GRIN2A: variants seen among roughly 807,000 people sequenced by gnomAD.
GRIN2A encodes glutamate ionotropic receptor NMDA type subunit 2A, also known as glutamate receptor ionotropic, NMDA 2A.
In GRIN2A, 22 loss-of-function variants were observed where a neutral mutation model predicts 113.4. The ratio of observed to expected loss-of-function variants is 0.19; its 90% CI spans 0.14 to 0.28. GRIN2A has a LOEUF of 0.28. Ranked by LOEUF, GRIN2A falls within the 10% of genes least tolerant of loss-of-function variation. GRIN2A has a pLI of 1.00. For synonymous variants in GRIN2A, 827 were observed against 738.4 expected, an observed-to-expected ratio of 1.12 and a Z score of -1.94; for missense variants, 1,502 against 1,887.0, an observed-to-expected ratio of 0.80 and a Z score of 3.78.
intron 2 of GRIN2A, among the ~76,000 whole-genome samples, chr16:10,093,364 T>G (rs957730289): frequency 3.3e-5 from 5 of 152,184 alleles, no homozygotes; most frequent in Admixed American, 2.6e-4. Context: ...CAGGTGTGTG[T>G]CCTGCTTCTC....
intron 2 of GRIN2A, among the ~76,000 whole-genome samples, chr16:9,984,653 T>C (rs1225882032): frequency 6.6e-6 from 1 of 152,182 alleles, no homozygotes; most frequent in African/African-American, 2.4e-5. Flanking sequence ...TACCTGATGA[T>C]GATCTTGAAC....
intron 9 of GRIN2A, among the ~76,000 whole-genome samples, chr16:9,826,311 T>A (rs1304775365): frequency 6.6e-6 from 1 of 152,138 alleles, no homozygotes; most frequent in Non-Finnish European, 1.5e-5. Context: ...GTCAGAGTGA[T>A]TCCCAACATT....
chr16:10,094,647 A>G (rs2048250494), intron 2 of GRIN2A, among the ~76,000 whole-genome samples: 1 of 151,978 alleles, frequency 6.6e-6, no homozygotes, highest in African/African-American at 2.4e-5. Context: ...ACAGGGTTTC[A>G]CCACGTTGGC....
intron 2 of GRIN2A, among the ~76,000 whole-genome samples, chr16:9,969,147 T>A (rs987035642): frequency 2.6e-5 from 4 of 152,146 alleles, no homozygotes; most frequent in Admixed American, 1.3e-4. Flanking sequence ...AGGGAGTCAA[T>A]GGCCATCCTG....
chr16:10,114,551 C>T (rs961649284), intron 2 of GRIN2A, among the ~76,000 whole-genome samples: 12 of 152,156 alleles, frequency 7.9e-5, no homozygotes, highest in African/African-American at 1.2e-4. Context: ...CCCAGAAACC[C>T]GCAGGCACCG....
intron 2 of GRIN2A, among the ~76,000 whole-genome samples, chr16:10,132,788 A>G (rs1475741705): frequency 3.3e-5 from 5 of 152,236 alleles, no homozygotes. Flanking sequence ...TTAACAGATT[A>G]TAAGTTTCCC....
At chr16:10,146,999 C>T (rs1408763137) in intron 2 of GRIN2A, among the ~76,000 whole-genome samples, 1 of 152,112 alleles carries the variant, frequency 6.6e-6, no homozygotes. Flanking sequence ...CTAAACTCAA[C>T]CCTGGAGACC....
chr16:9,996,740 A>G (rs2046230497), intron 2 of GRIN2A, among the ~76,000 whole-genome samples: 1 of 152,156 alleles, frequency 6.6e-6, no homozygotes, highest in South Asian at 2.1e-4. Context: ...TTTTAACACT[A>G]CAGCACCTAG....
chr16:9,978,480 C>G (rs1367523567), intron 2 of GRIN2A, among the ~76,000 whole-genome samples: 1 of 152,084 alleles, frequency 6.6e-6, no homozygotes, highest in Non-Finnish European at 1.5e-5. Flanking sequence ...TCCTCCCTAT[C>G]CTCTTCCTCC....
At chr16:10,138,093 C>A (rs141812445) in intron 2 of GRIN2A, among the ~76,000 whole-genome samples, 2,608 of 152,322 alleles carry the variant, frequency 0.017, 77 homozygotes, top group African/African-American at 0.059. Context: ...CCAAGGTGGG[C>A]ATGGCACTTT....
At chr16:9,918,386 G>A (rs1031904512) in intron 3 of GRIN2A, among the ~76,000 whole-genome samples, 1 of 152,106 alleles carries the variant, frequency 6.6e-6, no homozygotes, top group African/African-American at 2.4e-5. Context: ...CATGAATTAG[G>A]CACTGTAGGA....
intron 2 of GRIN2A, among the ~76,000 whole-genome samples, chr16:10,005,121 G>A (rs1413668048): frequency 1.3e-5 from 2 of 152,156 alleles, no homozygotes; most frequent in Non-Finnish European, 2.9e-5. Context: ...TAGGTTACAA[G>A]CATGAATCAA....
intron 10 of GRIN2A, among the ~76,000 whole-genome samples, chr16:9,819,921 CAAAAAAAAAAAAA>C (rs71157787): frequency 1.6e-5 from 1 of 63,652 alleles, no homozygotes; most frequent in South Asian, 8.1e-4. Context: ...AACTCCGTCT[CAAAAAAAAAAAAA>C]AAAAAAAAAA....
At chr16:9,854,548 C>G (rs1031473711) in intron 4 of GRIN2A, among the ~76,000 whole-genome samples, 3 of 152,042 alleles carry the variant, frequency 2.0e-5, no homozygotes, top group Admixed American at 1.3e-4. Context: ...GAAGTTATAT[C>G]CAAAATGGAA....
In GRIN2A at chr16:10,029,273, C is replaced by T. The variant is rs1213701455; in HGVS notation, c.415-90722G>A. Among the ~76,000 whole-genome samples the T allele has an allele frequency of 2.0e-5, 3 of 152,236 alleles. No individual in the cohort carries two copies. The East Asian group carries it at 5.8e-4, about 29-fold the overall frequency. On this transcript the variant is annotated intron_variant, in intron 2 of 12. Transcript: ENST00000330684. The stretch of plus-strand genomic sequence containing the variant: ...GCAATGGCACAATCTTGGCTCACCG[C>T]AACCTCCGCCTTCCAGGTTCAAGGG...
intron 2 of GRIN2A, among the ~76,000 whole-genome samples, chr16:10,141,662 A>G (rs1378748207): frequency 1.3e-5 from 2 of 152,204 alleles, no homozygotes; most frequent in Non-Finnish European, 2.9e-5. Flanking sequence ...TTGGTTAAAA[A>G]CAACCATAAT....
intron 2 of GRIN2A, among the ~76,000 whole-genome samples, chr16:10,081,064 A>G (rs2047969286): frequency 6.6e-6 from 1 of 152,196 alleles, no homozygotes; most frequent in African/African-American, 2.4e-5. Flanking sequence ...GCAGAGTCCC[A>G]ACTGCAGAAG....
At chr16:10,033,126 G>C (rs2046960294) in intron 2 of GRIN2A, among the ~76,000 whole-genome samples, 1 of 152,136 alleles carries the variant, frequency 6.6e-6, no homozygotes, top group South Asian at 2.1e-4. Flanking sequence ...GCATGTATCT[G>C]ACACCCCCAC....
At chr16:9,791,515 C>T (rs1193966749) in intron 11 of GRIN2A, among the ~76,000 whole-genome samples, 1 of 152,120 alleles carries the variant, frequency 6.6e-6, no homozygotes, top group Non-Finnish European at 1.5e-5. Context: ...AGGGATACGC[C>T]GTCCTCAGAA....
Sources: gnomAD v4.1 joint callset for allele counts (sites outside exome capture counted in the v4.1 genomes callset) on GRCh38, gnomAD v4.1.1 for gene constraint, MANE v1.5 for transcripts, NCBI Gene and HGNC (gene_info 2026-07-23, HGNC 2026-07-21) for gene names.